Variants in CNTNAP2 observed in about 807,000 individuals in gnomAD.
CNTNAP2 encodes the protein contactin-associated protein-like 2.
In CNTNAP2, 98 loss-of-function variants were observed where a neutral mutation model predicts 155.2. That is an observed-to-expected ratio of 0.63 (90% CI 0.54 to 0.75). The LOEUF is 0.75. Among genes scored for constraint, CNTNAP2 ranks in the 30% least tolerant of loss-of-function variants. CNTNAP2 has a pLI of 0.00. For missense variants in CNTNAP2, 1,727 were observed against 1,688.1 expected (o/e 1.02, Z -0.40); for synonymous variants, 651 against 631.2 (o/e 1.03, Z -0.47).
intron 1 of CNTNAP2, among the ~76,000 whole-genome samples, chr7:146,473,928 C>T (rs10255626): frequency 6.6e-6 from 1 of 151,988 alleles, no homozygotes; most frequent in East Asian, 1.9e-4. Flanking sequence ...TTGTGTCCAC[C>T]GTACAAAAAT....
intron 1 of CNTNAP2, among the ~76,000 whole-genome samples, chr7:146,326,179 C>T (rs979784316): frequency 2.0e-5 from 3 of 152,160 alleles, no homozygotes; most frequent in Admixed American, 2.0e-4. Flanking sequence ...CACACGCATA[C>T]ACATACACAT....
intron 2 of CNTNAP2, among the ~76,000 whole-genome samples, chr7:146,802,927 G>C (rs1306023641): frequency 1.3e-5 from 2 of 152,162 alleles, no homozygotes; most frequent in Non-Finnish European, 2.9e-5. Flanking sequence ...ACTCTGAAGA[G>C]TGAATTATTC....
At chr7:146,402,090 CA>C (rs1795722791) in intron 1 of CNTNAP2, among the ~76,000 whole-genome samples, 1 of 152,042 alleles carries the variant, frequency 6.6e-6, no homozygotes, top group Non-Finnish European at 1.5e-5. Flanking sequence ...GAAGGTCTTC[CA>C]TAAGTATGTT....
chr7:146,757,516 A>G (rs1002547547), intron 1 of CNTNAP2, among the ~76,000 whole-genome samples: 6 of 152,170 alleles, frequency 3.9e-5, no homozygotes, highest in Admixed American at 1.3e-4. Flanking sequence ...ATTTCATGAC[A>G]TTATAGAATC....
At chr7:146,942,871 C>G (rs1797084494) in intron 3 of CNTNAP2, among the ~76,000 whole-genome samples, 1 of 152,150 alleles carries the variant, frequency 6.6e-6, no homozygotes, top group Non-Finnish European at 1.5e-5. Flanking sequence ...TTTGACCTTA[C>G]TATTCCACCT....
chr7:147,012,806 G>A (rs571363678), intron 3 of CNTNAP2, among the ~76,000 whole-genome samples: 20 of 152,204 alleles, frequency 1.3e-4, no homozygotes, highest in Non-Finnish European at 2.6e-4. Flanking sequence ...TAAGAGCAGA[G>A]CAAGTGAAAG....
At chr7:147,010,041 G>C (rs1380199256) in intron 3 of CNTNAP2, among the ~76,000 whole-genome samples, 1 of 119,192 alleles carries the variant, frequency 8.4e-6, no homozygotes, top group African/African-American at 3.2e-5. Flanking sequence ...ACAAAGTATT[G>C]CTCCATCAAC....
intron 3 of CNTNAP2, among the ~76,000 whole-genome samples, chr7:146,855,682 C>A (rs1794965956): frequency 6.6e-6 from 1 of 151,320 alleles, no homozygotes; most frequent in African/African-American, 2.4e-5. Flanking sequence ...GTAAATTGAG[C>A]AAATGAGTGA....
At chr7:146,733,874 T>A (rs73168797) in intron 1 of CNTNAP2, among the ~76,000 whole-genome samples, 70 of 152,212 alleles carry the variant, frequency 4.6e-4, no homozygotes, top group Admixed American at 1.0e-3. Context: ...GTATGAGAGT[T>A]TCATAGTTCT....
At chr7:146,859,277 C>T (rs1795050745) in intron 3 of CNTNAP2, among the ~76,000 whole-genome samples, 1 of 152,142 alleles carries the variant, frequency 6.6e-6, no homozygotes. Context: ...TGTCTGTTGA[C>T]AGAACACCAG....
chr7:146,624,394 T>TTTGAG (rs1190805152), intron 1 of CNTNAP2, among the ~76,000 whole-genome samples: 1 of 152,042 alleles, frequency 6.6e-6, no homozygotes, highest in Admixed American at 6.5e-5. Flanking sequence ...TATGATCCAT[T>TTTGAG]TTGAGTTAAT....
chr7:147,894,003 T>C (rs1026341042), intron 13 of CNTNAP2, among the ~76,000 whole-genome samples: 4 of 152,176 alleles, frequency 2.6e-5, no homozygotes, highest in African/African-American at 9.7e-5. Flanking sequence ...GCCGGCTTGA[T>C]CTTCCAAATT....
At chr7:147,801,793 C>T (rs1215179702) in intron 13 of CNTNAP2, among the ~76,000 whole-genome samples, 1 of 152,152 alleles carries the variant, frequency 6.6e-6, no homozygotes, top group Non-Finnish European at 1.5e-5. Context: ...TTCCATTCCA[C>T]AAAACCGCCA....
chr7:146,523,022 G>A (rs1797636769), intron 1 of CNTNAP2, among the ~76,000 whole-genome samples: 1 of 151,442 alleles, frequency 6.6e-6, no homozygotes, highest in Admixed American at 6.6e-5. Context: ...TAATTTATTG[G>A]GGTACCGGTA....
chr7:146,221,117 T>C (rs769047500), intron 1 of CNTNAP2, among the ~76,000 whole-genome samples: 1 of 152,220 alleles, frequency 6.6e-6, no homozygotes, highest in African/African-American at 2.4e-5. Flanking sequence ...CATTTCTGAA[T>C]GGACCCTGCA....
chr7:147,499,451 C>A (rs1182029578), intron 11 of CNTNAP2, among the ~76,000 whole-genome samples: 1 of 152,074 alleles, frequency 6.6e-6, no homozygotes. Context: ...ATGGCCTGAA[C>A]CCGGGAGGCA....
intron 1 of CNTNAP2, among the ~76,000 whole-genome samples, chr7:146,148,237 A>G (rs1005697153): frequency 2.0e-5 from 3 of 152,112 alleles, no homozygotes; most frequent in African/African-American, 4.8e-5. Context: ...AAGCTACTTT[A>G]TTAGATTTTG....
At chr7:146,927,005 CA>C (rs1371011733) in intron 3 of CNTNAP2, among the ~76,000 whole-genome samples, 1 of 152,104 alleles carries the variant, frequency 6.6e-6, no homozygotes, top group Non-Finnish European at 1.5e-5. Flanking sequence ...AAACTTTCAG[CA>C]AAAAGAATGT....
intron 13 of CNTNAP2, among the ~76,000 whole-genome samples, chr7:147,787,265 C>T (rs944902073): frequency 4.6e-5 from 7 of 152,100 alleles, no homozygotes; most frequent in Non-Finnish European, 7.3e-5. Flanking sequence ...TGGATGTGGT[C>T]CCAGGAGTCC....
Sources: gnomAD v4.1 joint callset for allele counts (sites outside exome capture counted in the v4.1 genomes callset) on GRCh38, gnomAD v4.1.1 for gene constraint, MANE v1.5 for transcripts, NCBI Gene and HGNC (gene_info 2026-07-23, HGNC 2026-07-21) for gene names.